The following CHP1 variants were observed in gnomAD, a reference collection of about 807,000 sequenced individuals.
The protein encoded by CHP1 is calcineurin like EF-hand protein 1, also known as calcineurin B homologous protein 1.
CHP1 carries 11 observed loss-of-function variants against 27.4 expected under a neutral mutation model. The ratio of observed to expected loss-of-function variants is 0.40; its 90% confidence interval spans 0.25 to 0.67. CHP1 has a LOEUF of 0.67. Among genes scored for constraint, CHP1 ranks in the 30% least tolerant of loss-of-function variants. The pLI, the probability that CHP1 is intolerant of heterozygous loss-of-function variation, is 0.38. For missense variants in CHP1, 169 were observed against 251.3 expected (o/e 0.67, Z 2.22); for synonymous variants, 89 against 87.4 (o/e 1.02, Z -0.10).
At chr15:41,245,236 G>A (rs1348759454) in intron 2 of CHP1, among the ~76,000 whole-genome samples, 1 of 152,116 alleles carries the variant, frequency 6.6e-6, no homozygotes, top group Non-Finnish European at 1.5e-5. Context: ...CAAGGCGGGC[G>A]GATCACCTGA....
intron 2 of CHP1, among the ~76,000 whole-genome samples, chr15:41,247,014 CAAAA>C (rs528644397): frequency 8.1e-6 from 1 of 123,992 alleles, no homozygotes; most frequent in African/African-American, 2.9e-5. Context: ...GACTCTGTCT[CAAAA>C]AAAAAAAAAA....
At chr15:41,242,225 C>G (rs1164089657) in intron 1 of CHP1, among the ~76,000 whole-genome samples, 1 of 152,148 alleles carries the variant, frequency 6.6e-6, no homozygotes, top group Admixed American at 6.6e-5. Flanking sequence ...CAGTGAAGCT[C>G]ATGCCATCAC....
rs2140927353 is a variant in CHP1, at chr15:41,246,969, A to C, written c.140+3230A>C. ...GGGAGGCTGAGACGGGCGGATCACA[A>C]GGTCAGGAGGTCGAGACCATGGGCT... is the stretch of plus-strand genomic sequence containing the variant. On this transcript the variant is annotated intron_variant, in intron 2 of 6. Coordinates refer to ENST00000334660, the MANE Select transcript of CHP1 (RefSeq NM_007236.5). 2.1e-5 allele frequency among the ~76,000 whole-genome samples: 3 copies of C among 144,732 alleles called. No individual in the cohort carries two copies. In the South Asian group the frequency reaches 6.9e-4, roughly 33 times the overall value. 94.9% of individuals were successfully genotyped at this position (144,732 alleles called of 152,430 possible).
At chr15:41,234,972 T>A (rs1259002738) in intron 1 of CHP1, among the ~76,000 whole-genome samples, 1 of 152,212 alleles carries the variant, frequency 6.6e-6, no homozygotes, top group Non-Finnish European at 1.5e-5. Context: ...GGAAATAAAA[T>A]TTTTAAAGGA....
chr15:41,240,723 A>G (rs896888447), intron 1 of CHP1, among the ~76,000 whole-genome samples: 29 of 150,046 alleles, frequency 1.9e-4, no homozygotes, highest in Non-Finnish European at 2.5e-4. Flanking sequence ...ATTGCGCTCC[A>G]GCCTGGGCAA....
intron 2 of CHP1, among the ~76,000 whole-genome samples, chr15:41,255,100 A>G (rs775043239): frequency 3.3e-5 from 5 of 152,232 alleles, no homozygotes; most frequent in Non-Finnish European, 7.3e-5. Context: ...ATTTTGAAAC[A>G]GTACCATTAT....
intron 4 of CHP1, among the ~76,000 whole-genome samples, chr15:41,266,112 T>C (rs1383603089): frequency 1.3e-5 from 2 of 152,078 alleles, no homozygotes; most frequent in Admixed American, 6.6e-5. Context: ...GGTGAAACCA[T>C]GTCTCTTCTA....
intron 1 of CHP1, among the ~76,000 whole-genome samples, chr15:41,235,561 AT>A (rs1239813484): frequency 6.6e-6 from 1 of 152,162 alleles, no homozygotes; most frequent in Non-Finnish European, 1.5e-5. Flanking sequence ...AAACACCTTG[AT>A]AAACAATTCA....
intron 5 of CHP1, among the ~76,000 whole-genome samples, chr15:41,275,818 C>T (rs1410749656): frequency 1.3e-5 from 2 of 151,934 alleles, no homozygotes; most frequent in African/African-American, 2.4e-5. Context: ...CGGGTTGAAG[C>T]GATTCTCATG....
intron 1 of CHP1, among the ~76,000 whole-genome samples, chr15:41,231,889 G>A (rs549724488): frequency 1.3e-5 from 2 of 152,214 alleles, no homozygotes; most frequent in Admixed American, 6.5e-5. Context: ...ACAACTATGG[G>A]AAATTACAAA....
chr15:41,236,572 G>C (rs2047278163), intron 1 of CHP1, among the ~76,000 whole-genome samples: 1 of 152,034 alleles, frequency 6.6e-6, no homozygotes, highest in Admixed American at 6.6e-5. Context: ...TTTTTTGCGG[G>C]GGCAAGGAGG....
intron 6 of CHP1, 69 bp from the exon 7 acceptor site, chr15:41,279,267 C>A: frequency 8.2e-7 from 1 of 1,216,972 alleles, no homozygotes; most frequent in South Asian, 1.2e-5. Flanking sequence ...GAAAACATTA[C>A]TCAGATAAGA....
Position 41,280,939 on chromosome 15 carries a change from A to T in CHP1, c.*1550A>T, listed in dbSNP as rs1488788274. On this transcript the variant is annotated 3_prime_UTR_variant, in exon 7 of 7. Coordinates refer to ENST00000334660, the MANE Select transcript of CHP1 (RefSeq NM_007236.5). The stretch of plus-strand genomic sequence containing the variant: ...AGTGGCGTGATCTTGGCTCACTGCA[A>T]CCTCTGCCTCCTGGGTTCAAGCAAT... 1 of 151,298 alleles carries T rather than the reference A, an allele frequency of 6.6e-6. No individual in the cohort carries two copies. Among genetic ancestry groups the T allele is most frequent in the East Asian group, 1.9e-4 (1 of 5,152 alleles). The allele number at this position is 151,298 out of a possible 1,614,324, so 9.4% of individuals were successfully genotyped here. A position where few individuals can be genotyped will look rare whatever the true frequency, so the allele number is the denominator to read the frequency against.
intron 3 of CHP1, 105 bp from the exon 4 acceptor site, chr15:41,262,651 G>T (rs1475981802): frequency 9.2e-6 from 13 of 1,416,546 alleles, no homozygotes; most frequent in Non-Finnish European, 8.8e-6. Context: ...CTCATTAAAT[G>T]ACCTTTCAGG....
In CHP1 at chr15:41,281,835, C is replaced by T. The variant is rs2047548494; in HGVS notation, c.*2446C>T. 6.6e-6 allele frequency: 1 copy of T among 152,528 alleles called. No individual in the cohort carries two copies. Among genetic ancestry groups the T allele is most frequent in the South Asian group, 2.1e-4 (1 of 4,828 alleles). 9.4% of individuals were successfully genotyped at this position (152,528 alleles called of 1,614,324 possible). A position where few individuals can be genotyped will look rare whatever the true frequency, so the allele number is the denominator to read the frequency against. ...TAATCCACGGTTGTGCCTTATTGTT[C>T]CATTAAAATTGTATCTTCGATCCAT... is the stretch of plus-strand genomic sequence containing the variant. On this transcript the variant is annotated 3_prime_UTR_variant, in exon 7 of 7. Coordinates refer to ENST00000334660, the MANE Select transcript of CHP1 (RefSeq NM_007236.5).
chr15:41,266,536 T>C (rs2047461592), intron 4 of CHP1, among the ~76,000 whole-genome samples: 1 of 152,118 alleles, frequency 6.6e-6, no homozygotes, highest in South Asian at 2.1e-4. Context: ...AATATTTTTC[T>C]TGGGTGTTGA....
chr15:41,259,525 C>CTT (rs535457262), intron 3 of CHP1, among the ~76,000 whole-genome samples: 25,610 of 115,814 alleles, frequency 0.22, 2,877 homozygotes, highest in Non-Finnish European at 0.29. Flanking sequence ...CACATTGGGG[C>CTT]TTTTTTTTTT....
intron 2 of CHP1, among the ~76,000 whole-genome samples, chr15:41,250,725 G>A (rs891757807): frequency 6.7e-6 from 1 of 149,868 alleles, no homozygotes; most frequent in African/African-American, 2.4e-5. Flanking sequence ...GTCTAAGAAG[G>A]TTCACCTAAT....
At chr15:41,256,351 C>T (rs2047400644) in intron 2 of CHP1, among the ~76,000 whole-genome samples, 3 of 152,094 alleles carry the variant, frequency 2.0e-5, no homozygotes, top group African/African-American at 7.2e-5. Context: ...CTTCTGTAGC[C>T]CTAGTCCACA....
Sources: allele counts gnomAD v4.1 joint callset (sites outside exome capture counted in the v4.1 genomes callset), GRCh38; gene constraint gnomAD v4.1.1; transcripts MANE v1.5; gene names NCBI Gene and HGNC (gene_info 2026-07-23, HGNC 2026-07-21).